Variants in BRD1 observed in about 807,000 individuals in gnomAD.
BRD1 encodes bromodomain-containing protein 1.
Under a neutral mutation model 107.7 loss-of-function variants are expected in BRD1, and 24 were observed. That is an observed-to-expected ratio of 0.22 (90% CI 0.16 to 0.31). The LOEUF (loss-of-function observed/expected upper bound fraction) is 0.31, where lower values mean the gene tolerates loss of function less well. Ranked by LOEUF, BRD1 falls within the 10% of genes least tolerant of loss-of-function variation. BRD1 has a pLI of 1.00. For missense variants in BRD1, 1,279 were observed against 1,638.6 expected (o/e 0.78, Z 3.79); for synonymous variants, 744 against 686.1 (o/e 1.08, Z -1.32).
intron 8 of BRD1, 42 bp from the exon 9 acceptor site, chr22:49,777,855 G>A (rs2059131418): frequency 6.4e-7 from 1 of 1,563,354 alleles, no homozygotes; most frequent in African/African-American, 1.3e-5. Context: ...GCACAACCAG[G>A]GCACACTGAA....
At chr22:49,785,305 G>C (rs2059301696) in intron 8 of BRD1, among the ~76,000 whole-genome samples, 1 of 152,264 alleles carries the variant, frequency 6.6e-6, no homozygotes, top group Non-Finnish European at 1.5e-5. Context: ...GTCGACGGGA[G>C]GCCGCCTCAA....
intron 2 of BRD1, among the ~76,000 whole-genome samples, chr22:49,813,371 C>T (rs1480658321): frequency 2.0e-5 from 3 of 151,918 alleles, no homozygotes; most frequent in Non-Finnish European, 2.9e-5. Flanking sequence ...CTACAGGTGC[C>T]CACCACCACG....
At chr22:49,776,379 G>A (rs1217707168) in intron 10 of BRD1, among the ~76,000 whole-genome samples, 2 of 152,094 alleles carry the variant, frequency 1.3e-5, no homozygotes, top group Non-Finnish European at 2.9e-5. Flanking sequence ...GCCTCCCACG[G>A]ACCCAGGGAA....
At position 49,798,554 on chromosome 22, in the gene BRD1, C is replaced by T; in HGVS notation, c.1785+4G>A. 5 of 1,614,172 alleles carry T rather than the reference C, an allele frequency of 3.1e-6. No individual in the cohort carries two copies. The highest frequency in any genetic ancestry group is 4.2e-6 in the Non-Finnish European group (5 of 1,180,022). ...CAGGACAGACGAGCGCCGCAAACAC[C>T]CACCTCCTTCAGACTCACGGGCTGC... On this transcript the variant is annotated splice_donor_region_variant and intron_variant, in intron 5 of 12. Transcript: ENST00000404760.
chr22:49,775,833 A>ACC (rs869037990), intron 11 of BRD1, 88 bp from the exon 12 acceptor site: 1 of 540,508 alleles, frequency 1.9e-6, no homozygotes. Flanking sequence ...CCGCCTCCCC[A>ACC]CCCCAGCTGT....
At position 49,777,668 on chromosome 22, in the gene BRD1, C is replaced by T. The variant is rs758463076; in HGVS notation, c.2993+10G>A. The T allele has an allele frequency of 3.7e-6, 6 of 1,602,542 alleles. No homozygotes were observed. Among genetic ancestry groups the T allele is most frequent in the African/African-American group, 2.7e-5 (2 of 74,818 alleles). On this transcript the variant is annotated intron_variant, in intron 9 of 12. Transcript: ENST00000404760. ...CTGCGTGGTGGGAAGCGCAGGGCCGCGGTGCCCACCTCGAGTCGCAGAGCG... is the reference window on the plus strand; with the variant it reads ...CTGCGTGGTGGGAAGCGCAGGGCCGTGGTGCCCACCTCGAGTCGCAGAGCG...
intron 6 of BRD1, among the ~76,000 whole-genome samples, chr22:49,795,829 C>A (rs1172595944): frequency 6.6e-6 from 1 of 152,170 alleles, no homozygotes; most frequent in Non-Finnish European, 1.5e-5. Flanking sequence ...CAAGCATGAG[C>A]CCATGGAGCC....
Position 49,793,906 on chromosome 22 carries a change from G to A in BRD1, c.2359+128C>T, listed in dbSNP as rs17001305. ...GTGTTCCGGGATTTGTGAATTTTAC[G>A]GAACTGGCGCTAACCTGAGCCTCCG... On this transcript the variant is annotated intron_variant, in intron 7 of 12. Transcript: ENST00000404760. The A allele has an allele frequency of 1.6e-3, 2,135 of 1,303,604 alleles. 29 individuals carry two copies. The African/African-American group carries it at 0.027, about 17-fold the overall frequency. The allele number at this position is 1,303,604 out of a possible 1,614,324, so 80.8% of individuals were successfully genotyped here.
At chr22:49,800,301 C>G (rs1389554357) in intron 3 of BRD1, among the ~76,000 whole-genome samples, 1 of 152,202 alleles carries the variant, frequency 6.6e-6, no homozygotes, top group Non-Finnish European at 1.5e-5. Flanking sequence ...CGAGGCAGAG[C>G]GTTGCTGCGC....
chr22:49,797,661 G>C (rs752108043), intron 6 of BRD1, 144 bp downstream of exon 6: 15 of 737,086 alleles, frequency 2.0e-5, no homozygotes, highest in Non-Finnish European at 3.1e-5. Flanking sequence ...TTTCAGTGAG[G>C]CTACTAGAAA....
At chr22:49,822,900 A>G (rs778932670) in intron 2 of BRD1, 51 bp downstream of exon 2, 6 of 1,585,204 alleles carry the variant, frequency 3.8e-6, no homozygotes, top group Admixed American at 3.6e-5. Context: ...ACGTCCTCCC[A>G]GGGTCCCACA....
rs773696652 is a variant in BRD1 at position 49,775,690 on chromosome 22, G to A, written c.3287C>T (p.Pro1096Leu). The A allele has an allele frequency of 2.5e-6, 4 of 1,613,734 alleles. No homozygotes were observed. Among genetic ancestry groups the A allele is most frequent in the Non-Finnish European group, 2.5e-6 (3 of 1,179,846 alleles). Residue 1096 changes from proline to leucine, a missense_variant, in exon 12 of 13, where the codon CCG (proline) becomes CTG (leucine). Pro to Leu is a moderately conservative substitution (Grantham distance 98). Coordinates refer to ENST00000404760, the MANE Select transcript of BRD1 (RefSeq NM_001304808.3). ...CTTCAGCACGTCCAGGGGTGGGGCCGGGATGGTGACGCCGTTGTGGTGGCC... is the reference window on the plus strand; with the variant it reads ...CTTCAGCACGTCCAGGGGTGGGGCCAGGATGGTGACGCCGTTGTGGTGGCC... ...VPGHHNGVTI[P>L]APPLDVLKIG...
At chr22:49,781,050 C>T (rs557699202) in intron 8 of BRD1, among the ~76,000 whole-genome samples, 1 of 152,172 alleles carries the variant, frequency 6.6e-6, no homozygotes, top group Non-Finnish European at 1.5e-5. Flanking sequence ...GTGAGAAATA[C>T]GTTAAAAGAG....
intron 12 of BRD1, 95 bp from the exon 13 acceptor site, chr22:49,774,511 TAGAA>T: frequency 7.4e-7 from 1 of 1,347,214 alleles, no homozygotes; most frequent in Non-Finnish European, 1.0e-6. Flanking sequence ...TGCCCTCCGA[TAGAA>T]AGGGGCCCTG....
At chr22:49,788,709 G>A (rs964286292) in intron 7 of BRD1, among the ~76,000 whole-genome samples, 8 of 152,180 alleles carry the variant, frequency 5.3e-5, no homozygotes, top group Non-Finnish European at 1.0e-4. Flanking sequence ...CTAACAGGGC[G>A]AGGCGACGCC....
chr22:49,799,183 A>G, intron 3 of BRD1, 64 bp from the exon 4 acceptor site: 2 of 1,572,064 alleles, frequency 1.3e-6, no homozygotes, highest in Non-Finnish European at 1.7e-6. Flanking sequence ...GGCCTCAGAT[A>G]CCATGCAGGT....
intron 2 of BRD1, chr22:49,805,976 C>G (rs1307248744): frequency 1.3e-5 from 2 of 151,988 alleles, no homozygotes; most frequent in African/African-American, 4.8e-5. Context: ...CTCCTGACCT[C>G]AGGTTTCTGT....
chr22:49,814,283 C>G (rs2068507168), intron 2 of BRD1, among the ~76,000 whole-genome samples: 5 of 152,386 alleles, frequency 3.3e-5, no homozygotes, highest in East Asian at 1.9e-4. Context: ...GGCAGGAGCC[C>G]CCGGTGCAGG....
chr22:49,791,862 T>C (rs1004276994), intron 7 of BRD1, among the ~76,000 whole-genome samples: 2 of 152,168 alleles, frequency 1.3e-5, no homozygotes, highest in East Asian at 1.9e-4. Context: ...TTTTCATCAA[T>C]TGAGTCATTG....
Sources: allele counts gnomAD v4.1 joint callset (sites outside exome capture counted in the v4.1 genomes callset), GRCh38; gene constraint gnomAD v4.1.1; transcripts MANE v1.5; gene names NCBI Gene and HGNC (gene_info 2026-07-23, HGNC 2026-07-21).